Variants in DOP1A observed in about 807,000 individuals in gnomAD.
The protein encoded by DOP1A is protein DOP1A.
DOP1A carries 90 observed loss-of-function variants against 267.6 expected under a neutral mutation model. The observed-to-expected ratio is 0.34, with a 90% CI of 0.28 to 0.40. DOP1A has a LOEUF of 0.40. Ranked by LOEUF, DOP1A falls within the 10% of genes least tolerant of loss-of-function variation. The pLI, the probability that DOP1A is intolerant of heterozygous loss-of-function variation, is 1.00. For synonymous variants in DOP1A, 932 were observed against 999.1 expected, an observed-to-expected ratio of 0.93 and a Z score of 1.27; for missense variants, 2,437 against 2,900.4, an observed-to-expected ratio of 0.84 and a Z score of 3.67.
chr6:83,099,709 T>TAC, intron 3 of DOP1A, among the ~76,000 whole-genome samples: 1 of 48,366 alleles, frequency 2.1e-5, no homozygotes, highest in African/African-American at 5.7e-5. Flanking sequence ...TGTGTGTGTG[T>TAC]ATATACATAT....
At chr6:83,161,099 A>G (rs1171535432) in intron 37 of DOP1A, 1 of 152,132 alleles carries the variant, frequency 6.6e-6, no homozygotes. Flanking sequence ...GCCAATATTA[A>G]CCAAGACACT....
chr6:83,085,349 GA>G (rs1474213588), intron 1 of DOP1A, among the ~76,000 whole-genome samples: 1 of 152,172 alleles, frequency 6.6e-6, no homozygotes, highest in Non-Finnish European at 1.5e-5. Flanking sequence ...AGAGATGATA[GA>G]CAGGAAACAA....
intron 17 of DOP1A, 147 bp downstream of exon 17, chr6:83,130,544 C>T: frequency 9.8e-7 from 1 of 1,017,664 alleles, no homozygotes; most frequent in Non-Finnish European, 1.4e-6. Flanking sequence ...GAAAATGATG[C>T]CACAGCTGAT....
chr6:83,138,723 G>C lies in DOP1A; in HGVS notation c.4681G>C (p.Glu1561Gln), dbSNP rs994375724. ...NLVAVEEGFS[E>Q]DSLINFSEDE... The stretch of plus-strand genomic sequence containing the variant: ...GGTTGCTGTGGAAGAAGGTTTCTCA[G>C]AGGACAGCCTTATTAATTTCTCAGA... Residue 1561 changes from glutamate to glutamine, a missense_variant, in exon 21 of 39, where the codon GAG becomes CAG. Transcript: ENST00000349129. 6.2e-7 allele frequency: 1 copy of C among 1,614,046 alleles called. No homozygotes were observed. The highest frequency in any genetic ancestry group is 8.5e-7 in the Non-Finnish European group (1 of 1,179,946).
intron 1 of DOP1A, among the ~76,000 whole-genome samples, chr6:83,073,906 A>G (rs1425862485): frequency 6.6e-6 from 1 of 152,112 alleles, no homozygotes; most frequent in African/African-American, 2.4e-5. Flanking sequence ...GATTCTAGAG[A>G]TATCAAAGTG....
At chr6:83,146,111 T>TAATA (rs1382498079) in intron 25 of DOP1A, among the ~76,000 whole-genome samples, 1 of 152,250 alleles carries the variant, frequency 6.6e-6, no homozygotes, top group Non-Finnish European at 1.5e-5. Flanking sequence ...TGACCATGTA[T>TAATA]AATACTGTGC....
intron 7 of DOP1A, among the ~76,000 whole-genome samples, chr6:83,115,700 G>A (rs940722953): frequency 6.6e-6 from 1 of 152,068 alleles, no homozygotes; most frequent in African/African-American, 2.4e-5. Flanking sequence ...ACTCCAGCCT[G>A]GCGACAGAGC....
chr6:83,113,165 A>T, intron 6 of DOP1A, among the ~76,000 whole-genome samples, 158 bp from the exon 7 acceptor site: 1 of 152,162 alleles, frequency 6.6e-6, no homozygotes, highest in Non-Finnish European at 1.5e-5. Flanking sequence ...TTTTTAAACC[A>T]TCATTATATA....
chr6:83,155,661 A>C (rs1432795215), intron 33 of DOP1A, among the ~76,000 whole-genome samples: 1 of 152,186 alleles, frequency 6.6e-6, no homozygotes, highest in Non-Finnish European at 1.5e-5. Context: ...ATGGCCTCAA[A>C]TATTAAAGGG....
intron 16 of DOP1A, 117 bp downstream of exon 16, chr6:83,129,625 A>G (rs1777721320): frequency 9.7e-7 from 1 of 1,029,184 alleles, no homozygotes; most frequent in Non-Finnish European, 1.3e-6. Flanking sequence ...TAATGTTTTA[A>G]TTTGCAAGTT....
intron 1 of DOP1A, among the ~76,000 whole-genome samples, chr6:83,086,848 AAAG>A (rs1292131201): frequency 1.3e-5 from 2 of 152,218 alleles, no homozygotes; most frequent in Admixed American, 1.3e-4. Context: ...ATGAGAGAAT[AAAG>A]AAATGGGTTG....
At chr6:83,164,808 A>C in intron 38 of DOP1A, 2 of 1,037,790 alleles carry the variant, frequency 1.9e-6, no homozygotes, top group Non-Finnish European at 2.8e-6. Flanking sequence ...CAACAAGTAC[A>C]AGGGAGGTAA....
intron 23 of DOP1A, 112 bp from the exon 24 acceptor site, chr6:83,141,809 A>G (rs1162417374): frequency 1.9e-6 from 2 of 1,029,856 alleles, no homozygotes; most frequent in South Asian, 1.9e-5. Context: ...TTATTTAGAT[A>G]GTAAAACCTA....
intron 7 of DOP1A, among the ~76,000 whole-genome samples, chr6:83,117,381 A>T (rs1431895714): frequency 6.6e-6 from 1 of 152,032 alleles, no homozygotes; most frequent in Non-Finnish European, 1.5e-5. Flanking sequence ...AGATCTCCTG[A>T]CCTTGTGATC....
Position 83,125,629 on chromosome 6 carries a change from A to T in DOP1A, c.1615A>T (p.Ile539Phe). 1 of 1,613,844 alleles carries T rather than the reference A, an allele frequency of 6.2e-7. No homozygotes were observed. ...LTDSLRLCSK[I>F]LSKVQPPLLS... ...AGATTCTCTCAGACTCTGCTCAAAG[A>T]TCCTTAGCAAGGTTCAGCCTCCACT... Residue 539 changes from isoleucine to phenylalanine, a missense_variant, in exon 15 of 39, where the codon ATC becomes TTC. By Grantham distance (21) the Ile-to-Phe change is conservative (BLOSUM62 0). Transcript: ENST00000349129.
chr6:83,155,948 C>T lies in DOP1A; in HGVS notation c.6452-3C>T, dbSNP rs1264216943. On this transcript the variant is annotated splice_polypyrimidine_tract_variant and splice_region_variant and intron_variant, in intron 33 of 38. Coordinates refer to ENST00000349129, the MANE Select transcript of DOP1A (RefSeq NM_015018.4). Reference sequence around the variant, plus strand: ...TCACAGTCTCTTTCACTTGCTTTTTCAGCTCGTGTAGCAGTGGCTCAAAGC... The same window carrying T: ...TCACAGTCTCTTTCACTTGCTTTTTTAGCTCGTGTAGCAGTGGCTCAAAGC... 6.2e-7 allele frequency: 1 copy of T among 1,601,612 alleles called. No homozygotes were observed. The highest frequency in any genetic ancestry group is 8.5e-7 in the Non-Finnish European group (1 of 1,176,772).
intron 27 of DOP1A, 22 bp from the exon 28 acceptor site, chr6:83,151,571 G>T (rs754052803): frequency 1.3e-6 from 2 of 1,576,640 alleles, no homozygotes; most frequent in Non-Finnish European, 1.7e-6. Flanking sequence ...TCCCGTTTCT[G>T]TTTTCTCTTT....
At chr6:83,137,142 T>G in intron 20 of DOP1A, 31 bp from the exon 21 acceptor site, 1 of 1,499,584 alleles carries the variant, frequency 6.7e-7, no homozygotes, top group Non-Finnish European at 8.9e-7. Context: ...TTTTGTATTT[T>G]TCTTCTTTTA....
At chr6:83,140,736 T>C (rs936320963) in intron 23 of DOP1A, among the ~76,000 whole-genome samples, 3 of 152,148 alleles carry the variant, frequency 2.0e-5, no homozygotes, top group Non-Finnish European at 4.4e-5. Flanking sequence ...GAATCTATTC[T>C]CTCCATATAT....
Sources: gnomAD v4.1 joint callset for allele counts (sites outside exome capture counted in the v4.1 genomes callset) on GRCh38, gnomAD v4.1.1 for gene constraint, MANE v1.5 for transcripts, NCBI Gene and HGNC (gene_info 2026-07-23, HGNC 2026-07-21) for gene names.